The following SDCCAG8 variants were observed in gnomAD, a reference collection of about 807,000 sequenced individuals.
SDCCAG8 encodes the protein serologically defined colon cancer antigen 8.
In SDCCAG8, 74 loss-of-function variants were observed where a neutral mutation model predicts 101.8. The ratio of observed to expected loss-of-function variants is 0.73; its 90% confidence interval spans 0.60 to 0.88. The LOEUF (loss-of-function observed/expected upper bound fraction) is 0.88, where lower values mean the gene tolerates loss of function less well. Among genes scored for constraint, SDCCAG8 ranks in the 40% least tolerant of loss-of-function variants. The pLI, the probability that SDCCAG8 is intolerant of heterozygous loss-of-function variation, is 0.00. For synonymous variants in SDCCAG8, 281 were observed against 292.9 expected, an observed-to-expected ratio of 0.96 and a Z score of 0.41; for missense variants, 787 against 822.6, an observed-to-expected ratio of 0.96 and a Z score of 0.53.
intron 17 of SDCCAG8, 143 bp downstream of exon 17, chr1:243,489,283 G>A: frequency 8.6e-7 from 1 of 1,161,304 alleles, no homozygotes; most frequent in Non-Finnish European, 1.2e-6. Context: ...GACTGTGCTG[G>A]GCACAGTGCA....
Position 243,386,768 on chromosome 1 carries a change from T to TGAGAGAGA in SDCCAG8, c.1616+7920_1616+7927dup, listed in dbSNP as rs112662776. Among the ~76,000 whole-genome samples, 261 of 143,476 alleles carry TGAGAGAGA rather than the reference T, an allele frequency of 1.8e-3. 2 individuals carry two copies. Among genetic ancestry groups the TGAGAGAGA allele is most frequent in the African/African-American group, 6.3e-3 (248 of 39,458 alleles). 94.1% of individuals were successfully genotyped at this position (143,476 alleles called of 152,430 possible). A position where few individuals can be genotyped will look rare whatever the true frequency, so the allele number is the denominator to read the frequency against. ...ACTCCATCTCAAAAAAGAAAGAAAGTGAGAGAGAGAGAGAGAGAGAGAAAG... is the reference window on the plus strand; with the variant it reads ...ACTCCATCTCAAAAAAGAAAGAAAGTGAGAGAGAGAGAGAGAGAGAGAGAGAGAGAAAG... On this transcript the variant is annotated intron_variant, in intron 13 of 17. Transcript: ENST00000366541.
chr1:243,361,250 A>C (rs1264780257), intron 12 of SDCCAG8, among the ~76,000 whole-genome samples: 1 of 152,164 alleles, frequency 6.6e-6, no homozygotes, highest in African/African-American at 2.4e-5. Flanking sequence ...TCATCGCTGA[A>C]ATCATCTGTG....
chr1:243,324,859 C>T (rs1183927358), intron 9 of SDCCAG8, among the ~76,000 whole-genome samples: 2 of 152,158 alleles, frequency 1.3e-5, no homozygotes, highest in Non-Finnish European at 2.9e-5. Context: ...TCTTTCATGT[C>T]ACCTTCACTG....
chr1:243,267,917 T>C (rs1164761912), intron 1 of SDCCAG8: 26 of 875,760 alleles, frequency 3.0e-5, no homozygotes, highest in Non-Finnish European at 3.0e-5. Flanking sequence ...AACGAGGATG[T>C]GGTAAGGTGG....
At chr1:243,493,093 G>T (rs751659212) in intron 17 of SDCCAG8, among the ~76,000 whole-genome samples, 1 of 152,138 alleles carries the variant, frequency 6.6e-6, no homozygotes, top group Non-Finnish European at 1.5e-5. Context: ...CCCACACTCT[G>T]TATTCCGGGA....
chr1:243,366,343 A>G (rs1422010316), intron 12 of SDCCAG8, among the ~76,000 whole-genome samples: 1 of 151,920 alleles, frequency 6.6e-6, no homozygotes, highest in Non-Finnish European at 1.5e-5. Context: ...GTGTTTAGCC[A>G]TATTTCTACA....
chr1:243,459,483 C>T (rs905069302), intron 16 of SDCCAG8, among the ~76,000 whole-genome samples: 8 of 146,274 alleles, frequency 5.5e-5, no homozygotes, highest in African/African-American at 1.5e-4. Context: ...CACTGAAGAA[C>T]GGAGGTGTAT....
At position 243,293,205 on chromosome 1, in the gene SDCCAG8, G is replaced by A. The variant is rs373999051; in HGVS notation, c.661G>A (p.Glu221Lys). 2.5e-6 allele frequency: 4 copies of A among 1,613,962 alleles called. No homozygotes were observed. The African/African-American group carries it at 5.3e-5, about 22-fold the overall frequency. The change falls in exon 6 of 18, where the codon GAG becomes AAG. Residue 221 changes from glutamate (E) to lysine (K), a missense_variant. Transcript: ENST00000366541. ...ADFGKAASAG[E>K]QLELEKLKLT... ...TTTTGGCAAAGCTGCATCTGCTGGT[G>A]AGCAGCTAGAACTGGTGAGTATTTG...
intron 11 of SDCCAG8, among the ~76,000 whole-genome samples, chr1:243,341,827 A>G (rs1332130829): frequency 3.3e-5 from 5 of 152,220 alleles, no homozygotes; most frequent in South Asian, 2.1e-4. Context: ...AAGTCCATCT[A>G]GATTTCAATA....
chr1:243,491,966 C>T (rs943072943), intron 17 of SDCCAG8, among the ~76,000 whole-genome samples: 3 of 152,158 alleles, frequency 2.0e-5, no homozygotes, highest in Non-Finnish European at 4.4e-5. Flanking sequence ...GAGAATGGGT[C>T]GGGCAATGGT....
intron 17 of SDCCAG8, among the ~76,000 whole-genome samples, chr1:243,494,654 C>G (rs953513267): frequency 6.6e-6 from 1 of 152,192 alleles, no homozygotes; most frequent in Non-Finnish European, 1.5e-5. Flanking sequence ...TCACTTTGTC[C>G]AAGAGTGAGT....
At chr1:243,476,154 A>G in intron 16 of SDCCAG8, 1 of 985,428 alleles carries the variant, frequency 1.0e-6, no homozygotes, top group East Asian at 1.1e-4. Context: ...TTTATTTCTG[A>G]GTCACTCTGT....
chr1:243,371,453 C>T (rs2077282464), intron 12 of SDCCAG8, among the ~76,000 whole-genome samples: 1 of 152,048 alleles, frequency 6.6e-6, no homozygotes, highest in East Asian at 1.9e-4. Context: ...TTGTCATGAA[C>T]ACAGAATGGA....
At chr1:243,272,524 T>A (rs1349211560) in intron 3 of SDCCAG8, among the ~76,000 whole-genome samples, 1 of 152,176 alleles carries the variant, frequency 6.6e-6, no homozygotes, top group Non-Finnish European at 1.5e-5. Flanking sequence ...ACTGGTGGAA[T>A]GCTTTTAAAT....
At chr1:243,488,515 A>G in intron 16 of SDCCAG8, 1 of 198,976 alleles carries the variant, frequency 5.0e-6, no homozygotes, top group Non-Finnish European at 1.0e-5. Flanking sequence ...GCCCATCAGC[A>G]GAATGACAAA....
chr1:243,423,592 T>C (rs1373104476), intron 15 of SDCCAG8, among the ~76,000 whole-genome samples: 1 of 152,152 alleles, frequency 6.6e-6, no homozygotes, highest in Non-Finnish European at 1.5e-5. Flanking sequence ...TACCTAAATC[T>C]AAATTTTTGA....
intron 15 of SDCCAG8, among the ~76,000 whole-genome samples, chr1:243,422,464 ATACTT>A (rs1322480231): frequency 1.3e-5 from 2 of 152,202 alleles, no homozygotes; most frequent in African/African-American, 2.4e-5. Context: ...TTTTAACACT[ATACTT>A]TATGGTGTTA....
In SDCCAG8 at chr1:243,330,628, G is replaced by A; in HGVS notation, c.1157G>A (p.Arg386Lys). The A allele has an allele frequency of 6.2e-7, 1 of 1,613,990 alleles. No homozygotes were observed. Among genetic ancestry groups the A allele is most frequent in the Middle Eastern group, 1.7e-4 (1 of 6,054 alleles). The change falls in exon 10 of 18, where the codon AGG (arginine) becomes AAG (lysine). Residue 386 changes from arginine (R) to lysine (K), a missense_variant. Physicochemically the swap from Arg to Lys is conservative, Grantham distance 26. Coordinates refer to ENST00000366541, the MANE Select transcript of SDCCAG8 (RefSeq NM_006642.5). ...GAACTTGCATCTCAGCAAGAGAAAA[G>A]GGCCATTGAGAAAGACATGATGAAA... ...EKELASQQEK[R>K]AIEKDMMKKE...
At chr1:243,372,411 C>T (rs2077345688) in intron 12 of SDCCAG8, among the ~76,000 whole-genome samples, 4 of 152,032 alleles carry the variant, frequency 2.6e-5, no homozygotes, top group Admixed American at 2.0e-4. Context: ...TAAATCACTA[C>T]CATTGAGGTA....
Sources: allele counts gnomAD v4.1 joint callset (sites outside exome capture counted in the v4.1 genomes callset), GRCh38; gene constraint gnomAD v4.1.1; transcripts MANE v1.5; gene names NCBI Gene and HGNC (gene_info 2026-07-23, HGNC 2026-07-21).